Variants in NTN1 observed in about 807,000 individuals in gnomAD.
NTN1 encodes netrin 1, also known as netrin-1.
In NTN1, 11 loss-of-function variants were observed where a neutral mutation model predicts 54.2. That is an observed-to-expected ratio of 0.20 (90% CI 0.13 to 0.34). The LOEUF (loss-of-function observed/expected upper bound fraction) is 0.34, where lower values mean the gene tolerates loss of function less well. Ranked by LOEUF, NTN1 falls within the 10% of genes least tolerant of loss-of-function variation. NTN1 has a pLI of 1.00. For synonymous variants in NTN1, 371 were observed against 382.0 expected (o/e 0.97, Z 0.33); for missense variants, 740 against 893.1 (o/e 0.83, Z 2.18).
At chr17:9,197,658 CAA>C (rs112690206) in intron 5 of NTN1, among the ~76,000 whole-genome samples, 15 of 79,900 alleles carry the variant, frequency 1.9e-4, no homozygotes, top group Non-Finnish European at 1.8e-4. Flanking sequence ...AGACTCTGTC[CAA>C]AAAAAAAAAA....
intron 2 of NTN1, among the ~76,000 whole-genome samples, chr17:9,066,043 T>C (rs531858526): frequency 6.6e-6 from 1 of 152,372 alleles, no homozygotes; most frequent in Admixed American, 6.5e-5. Context: ...CACTGCAATG[T>C]AATTGTATTA....
intron 2 of NTN1, among the ~76,000 whole-genome samples, chr17:9,116,414 G>T (rs1446315527): frequency 6.6e-6 from 1 of 151,020 alleles, no homozygotes; most frequent in African/African-American, 2.4e-5. Context: ...GATTTCTAGA[G>T]TCTCTACTCG....
At position 9,221,157 on chromosome 17, in the gene NTN1, C is replaced by T. The variant is rs200867686; in HGVS notation, c.1412-11C>T. ...AGTTTTTGTCTGTGCTCCCCCCCCA[C>T]CCCCCTGCAGACTGCGATTCCTACT... On this transcript the variant is annotated splice_polypyrimidine_tract_variant and intron_variant, in intron 5 of 6. Coordinates refer to ENST00000173229, the MANE Select transcript of NTN1 (RefSeq NM_004822.3). This position sits in a 1 kb window ranked among gnomAD's most constrained non-coding sequence, Gnocchi z 4.5. 3.2e-6 allele frequency: 5 copies of T among 1,553,510 alleles called. No individual in the cohort carries two copies. The highest frequency in any genetic ancestry group is 4.5e-5 in the East Asian group (2 of 44,448).
chr17:9,151,738 C>T (rs182122845), intron 2 of NTN1, among the ~76,000 whole-genome samples: 215 of 152,314 alleles, frequency 1.4e-3, no homozygotes, highest in African/African-American at 4.9e-3. Context: ...CGGAGGGTCC[C>T]TGTGGAGAGG....
rs367758937 is a variant in NTN1 at position 9,098,227 on chromosome 17, T to C, written c.1019-64586T>C. 3.9e-5 allele frequency among the ~76,000 whole-genome samples: 6 copies of C among 152,346 alleles called. No homozygotes were observed. In the East Asian group the frequency reaches 1.2e-3, roughly 29 times the overall value. ...TTGATGCCACCTGTTCGTGTGACCCTGATGCGCCATATTTGTTACCTATTT... is the reference window on the plus strand; with the variant it reads ...TTGATGCCACCTGTTCGTGTGACCCCGATGCGCCATATTTGTTACCTATTT... On this transcript the variant is annotated intron_variant, in intron 2 of 6. Transcript: ENST00000173229.
intron 2 of NTN1, among the ~76,000 whole-genome samples, chr17:9,089,879 C>G (rs2092104147): frequency 6.6e-6 from 1 of 152,070 alleles, no homozygotes; most frequent in Admixed American, 6.6e-5. Context: ...TTAGAGTGGC[C>G]AAACAAACTT....
At chr17:9,198,057 T>G (rs1020193803) in intron 5 of NTN1, among the ~76,000 whole-genome samples, 1 of 152,192 alleles carries the variant, frequency 6.6e-6, no homozygotes, top group Non-Finnish European at 1.5e-5. Flanking sequence ...GGGGCCCTGC[T>G]GTCTTTGGCT....
chr17:9,179,668 G>C (rs1330771258), intron 3 of NTN1, 139 bp from the exon 4 acceptor site: 2 of 1,098,226 alleles, frequency 1.8e-6, no homozygotes, highest in Admixed American at 5.9e-5. Context: ...GTGCGTTTGG[G>C]CTTGGCTGGG....
At chr17:9,072,176 A>G (rs1234849823) in intron 2 of NTN1, among the ~76,000 whole-genome samples, 1 of 151,228 alleles carries the variant, frequency 6.6e-6, no homozygotes, top group Non-Finnish European at 1.5e-5. Flanking sequence ...GGTCTTCATG[A>G]GTCCTTAGCC....
chr17:9,200,160 C>T (rs1904742339), intron 5 of NTN1, among the ~76,000 whole-genome samples: 1 of 152,248 alleles, frequency 6.6e-6, no homozygotes, highest in Non-Finnish European at 1.5e-5. Context: ...CTGAATCACC[C>T]TTCAGTGCTG....
chr17:9,126,109 T>G (rs2092246301), intron 2 of NTN1, among the ~76,000 whole-genome samples: 1 of 152,162 alleles, frequency 6.6e-6, no homozygotes, highest in Non-Finnish European at 1.5e-5. Context: ...GAGAAATCCT[T>G]AAGAAAGAAT....
chr17:9,121,315 C>T (rs144514274), intron 2 of NTN1, among the ~76,000 whole-genome samples: 4 of 152,242 alleles, frequency 2.6e-5, no homozygotes, highest in Non-Finnish European at 4.4e-5. Flanking sequence ...CCCGGCCGCT[C>T]CCTCTCCTTG....
chr17:9,162,414 C>T (rs553491816), intron 2 of NTN1, among the ~76,000 whole-genome samples: 11 of 152,364 alleles, frequency 7.2e-5, no homozygotes, highest in African/African-American at 2.6e-4. Flanking sequence ...TGGCAACGTC[C>T]TCACGGGATC....
At chr17:9,175,561 T>A (rs2092397828) in intron 3 of NTN1, 1 of 152,212 alleles carries the variant, frequency 6.6e-6, no homozygotes, top group South Asian at 2.1e-4. Context: ...GTAAGTCACT[T>A]CAGTGGGACT....
chr17:9,082,636 GCT>G (rs1357055666), intron 2 of NTN1, among the ~76,000 whole-genome samples: 1 of 152,026 alleles, frequency 6.6e-6, no homozygotes, highest in African/African-American at 2.4e-5. Context: ...CGGGCCGGGG[GCT>G]TCACAGAGAG....
chr17:9,224,461 ACTCC>A (rs993562114), intron 6 of NTN1, among the ~76,000 whole-genome samples: 1 of 151,708 alleles, frequency 6.6e-6, no homozygotes, highest in Non-Finnish European at 1.5e-5. Context: ...CCGACACCCG[ACTCC>A]CTCATGGGTT....
intron 2 of NTN1, among the ~76,000 whole-genome samples, chr17:9,125,266 G>A (rs897438275): frequency 6.7e-6 from 1 of 148,762 alleles, no homozygotes; most frequent in Non-Finnish European, 1.5e-5. Flanking sequence ...CACTCTTGTC[G>A]CCCAGGCAGG....
At position 9,225,361 on chromosome 17, in the gene NTN1, G is replaced by A. The variant is rs938591201; in HGVS notation, c.1486+4119G>A. On this transcript the variant is annotated intron_variant, in intron 6 of 6. Transcript: ENST00000173229. ...AACAATGTCTGGAAAGGGATTTCAC[G>A]GGCCTCTGCGGAGGGCTCAGAGGAG... Among the ~76,000 whole-genome samples, 34 of 152,308 alleles carry A rather than the reference G, an allele frequency of 2.2e-4. 1 individual carries two copies. The highest frequency in any genetic ancestry group is 3.9e-4 in the East Asian group (2 of 5,170).
At chr17:9,111,413 G>A (rs1011362549) in intron 2 of NTN1, among the ~76,000 whole-genome samples, 1 of 152,196 alleles carries the variant, frequency 6.6e-6, no homozygotes, top group Non-Finnish European at 1.5e-5. Flanking sequence ...TAAAAGTGAA[G>A]TGTAGGTGTG....
Sources: allele counts gnomAD v4.1 joint callset (sites outside exome capture counted in the v4.1 genomes callset), GRCh38; gene constraint gnomAD v4.1.1; non-coding constraint Gnocchi (gnomAD v3.1); transcripts MANE v1.5; gene names NCBI Gene and HGNC (gene_info 2026-07-23, HGNC 2026-07-21).